SGCD: variants seen among roughly 807,000 people sequenced by gnomAD.
The protein encoded by SGCD is sarcoglycan delta.
Under a neutral mutation model 36.6 loss-of-function variants are expected in SGCD, and 18 were observed. That is an observed-to-expected ratio of 0.49 (90% confidence interval 0.34 to 0.73). The LOEUF (loss-of-function observed/expected upper bound fraction) is 0.73. SGCD is among the 30% of genes least tolerant of loss of function. The pLI is 0.01. For missense variants in SGCD, 387 were observed against 346.7 expected (o/e 1.12, Z -0.92); for synonymous variants, 133 against 130.6 (o/e 1.02, Z -0.12).
intron 1 of SGCD, among the ~76,000 whole-genome samples, chr5:156,046,022 T>C (rs1189209417): frequency 1.3e-5 from 2 of 152,160 alleles, no homozygotes; most frequent in African/African-American, 4.8e-5. Flanking sequence ...ATCCATGTAA[T>C]TGTTTACATG....
At chr5:155,876,233 T>C (rs1487661039) in intron 1 of SGCD, among the ~76,000 whole-genome samples, 3 of 122,642 alleles carry the variant, frequency 2.4e-5, no homozygotes, top group Non-Finnish European at 4.8e-5. Context: ...CAGAGTGTGA[T>C]ATTCCCCTTC....
intron 3 of SGCD, among the ~76,000 whole-genome samples, chr5:156,166,159 A>G (rs1763205712): frequency 6.6e-6 from 1 of 150,826 alleles, no homozygotes; most frequent in South Asian, 2.1e-4. Context: ...TTTTTAGTAA[A>G]TGTATCTCTT....
chr5:155,877,268 T>A (rs1011044051), intron 1 of SGCD, among the ~76,000 whole-genome samples: 1 of 152,116 alleles, frequency 6.6e-6, no homozygotes, highest in African/African-American at 2.4e-5. Flanking sequence ...AGATGACGGT[T>A]TAGACTGAAT....
chr5:156,014,357 A>T (rs550179041), intron 1 of SGCD, among the ~76,000 whole-genome samples: 1 of 152,162 alleles, frequency 6.6e-6, no homozygotes, highest in African/African-American at 2.4e-5. Context: ...AGAATAGCAC[A>T]AACAACTCCT....
chr5:156,327,853 C>T (rs1157371702), intron 1 of SGCD, among the ~76,000 whole-genome samples: 1 of 152,206 alleles, frequency 6.6e-6, no homozygotes, highest in Non-Finnish European at 1.5e-5. Flanking sequence ...GCTGGATCAA[C>T]ATTTGTAATT....
chr5:155,996,248 T>C (rs774122209), intron 1 of SGCD, among the ~76,000 whole-genome samples: 1 of 152,042 alleles, frequency 6.6e-6, no homozygotes, highest in African/African-American at 2.4e-5. Context: ...TAGTACCCAA[T>C]AGTTATTTTT....
At position 156,538,294 on chromosome 5, in the gene SGCD, T is replaced by G. The variant is rs1400525198; in HGVS notation, c.294+29592T>G. On this transcript the variant is annotated intron_variant, in intron 4 of 8. Transcript: ENST00000337851. ...TTTCTAATGGAACTAACCCAGAATT[T>G]AGAGTTAAATGTTTTCTGATTTTCT... 4.6e-5 allele frequency among the ~76,000 whole-genome samples: 7 copies of G among 152,192 alleles called. No individual in the cohort carries two copies. The East Asian group carries it at 1.2e-3, about 25-fold the overall frequency.
intron 3 of SGCD, among the ~76,000 whole-genome samples, chr5:156,488,533 C>T (rs1253286097): frequency 1.3e-5 from 2 of 152,016 alleles, no homozygotes; most frequent in African/African-American, 2.4e-5. Context: ...TAAAAAACTG[C>T]AGCCAAGAAT....
At chr5:156,106,816 A>G (rs1044144230) in intron 1 of SGCD, among the ~76,000 whole-genome samples, 2 of 152,206 alleles carry the variant, frequency 1.3e-5, no homozygotes, top group African/African-American at 4.8e-5. Flanking sequence ...GATGTTGAGT[A>G]TATGAAATGG....
intron 7 of SGCD, among the ~76,000 whole-genome samples, chr5:156,649,254 G>C (rs1763360250): frequency 6.6e-6 from 1 of 152,124 alleles, no homozygotes; most frequent in African/African-American, 2.4e-5. Context: ...CACTTTTACA[G>C]TGTTGGTGGG....
chr5:156,518,744 C>A (rs1757286222), intron 4 of SGCD, among the ~76,000 whole-genome samples: 1 of 152,110 alleles, frequency 6.6e-6, no homozygotes, highest in African/African-American at 2.4e-5. Context: ...GCAACCTGTT[C>A]CCAAGTGACT....
intron 7 of SGCD, among the ~76,000 whole-genome samples, chr5:156,719,302 G>A (rs1042216175): frequency 3.3e-5 from 5 of 151,880 alleles, no homozygotes; most frequent in African/African-American, 1.2e-4. Context: ...GATTGGATGA[G>A]GCCCACCCAC....
intron 1 of SGCD, among the ~76,000 whole-genome samples, chr5:155,871,502 C>A (rs997150112): frequency 6.6e-6 from 1 of 152,174 alleles, no homozygotes; most frequent in Non-Finnish European, 1.5e-5. Flanking sequence ...ATAGGGATTT[C>A]TGTCTGCCTA....
At chr5:156,605,205 C>A (rs963837316) in intron 6 of SGCD, among the ~76,000 whole-genome samples, 1 of 152,124 alleles carries the variant, frequency 6.6e-6, no homozygotes, top group Admixed American at 6.5e-5. Context: ...CCCCTCTCCC[C>A]CCACCCAACA....
chr5:156,029,815 A>G (rs1323270846), intron 1 of SGCD, among the ~76,000 whole-genome samples: 1 of 151,970 alleles, frequency 6.6e-6, no homozygotes, highest in Non-Finnish European at 1.5e-5. Flanking sequence ...ACTTTACCTA[A>G]TTTTTTAAAA....
chr5:156,704,919 T>C (rs1166772362), intron 7 of SGCD, among the ~76,000 whole-genome samples: 2 of 151,932 alleles, frequency 1.3e-5, no homozygotes, highest in Admixed American at 1.3e-4. Flanking sequence ...AGAAAGACTT[T>C]CTAAAGTACT....
At chr5:156,490,654 G>A (rs554484711) in intron 3 of SGCD, among the ~76,000 whole-genome samples, 9 of 151,928 alleles carry the variant, frequency 5.9e-5, no homozygotes, top group East Asian at 1.9e-4. Context: ...AAAATTCAAC[G>A]TCCCTTAATG....
At chr5:156,087,204 G>A (rs978405282) in intron 1 of SGCD, among the ~76,000 whole-genome samples, 4 of 152,168 alleles carry the variant, frequency 2.6e-5, no homozygotes, top group Non-Finnish European at 4.4e-5. Flanking sequence ...TGATCTAGTG[G>A]AAATGTAGGG....
intron 3 of SGCD, among the ~76,000 whole-genome samples, chr5:156,482,877 T>C (rs1432946593): frequency 7.4e-6 from 1 of 134,978 alleles, no homozygotes; most frequent in Non-Finnish European, 1.5e-5. Context: ...TTGTTTAGGG[T>C]GGGGTTTCTC....
Sources: allele counts gnomAD v4.1 joint callset (sites outside exome capture counted in the v4.1 genomes callset), GRCh38; gene constraint gnomAD v4.1.1; transcripts MANE v1.5; gene names NCBI Gene and HGNC (gene_info 2026-07-23, HGNC 2026-07-21).